MX1: variants seen among roughly 807,000 people sequenced by gnomAD.
The protein encoded by MX1 is interferon-induced GTP-binding protein Mx1.
A neutral mutation model predicts 66.4 loss-of-function variants in MX1; 66 were observed. The ratio of observed to expected loss-of-function variants is 0.99; its 90% CI spans 0.82 to 1.22. MX1 has a LOEUF of 1.22. MX1 is among the 50% of genes most tolerant of loss of function. The probability of loss-of-function intolerance (pLI) is 0.00; values close to 1 mark genes in which losing one functional copy is unlikely to be tolerated. For synonymous variants in MX1, 311 were observed against 318.1 expected, an observed-to-expected ratio of 0.98 and a Z score of 0.24; for missense variants, 787 against 834.3, an observed-to-expected ratio of 0.94 and a Z score of 0.70.
rs1458057452 is a variant in MX1, at chr21:41,441,451, G to A, written c.731-265G>A. The A allele has an allele frequency of 5.6e-6, 3 of 537,176 alleles. No individual in the cohort carries two copies. The highest frequency in any genetic ancestry group is 1.9e-5 in the African/African-American group (1 of 52,762). 33.3% of individuals were successfully genotyped at this position (537,176 alleles called of 1,614,324 possible). A position where few individuals can be genotyped will look rare whatever the true frequency, so the allele number is the denominator to read the frequency against. The stretch of plus-strand genomic sequence containing the variant: ...CCATAACTCAAGGGATAAACAAAAC[G>A]TGGCGTGTTCTACAGTGGACCCGGG... On this transcript the variant is annotated intron_variant, in intron 9 of 16. Transcript: ENST00000398598. This position sits in a 1 kb window ranked among gnomAD's most constrained non-coding sequence, Gnocchi z 4.0.
chr21:41,438,566 G>A (rs8132418), intron 7 of MX1, among the ~76,000 whole-genome samples: 1 of 152,178 alleles, frequency 6.6e-6, no homozygotes, highest in Non-Finnish European at 1.5e-5. Context: ...AACACCTTTC[G>A]GTCTCTCCTG....
chr21:41,437,631 C>A lies in MX1; in HGVS notation c.436+479C>A, dbSNP rs1009899814. On this transcript the variant is annotated intron_variant, in intron 7 of 16. Transcript: ENST00000398598. ...ACTCTAGCCTGACAACAGAGTGAGACCCTGTCTCAAAAACACATGTATTGC... is the reference window on the plus strand; with the variant it reads ...ACTCTAGCCTGACAACAGAGTGAGAACCTGTCTCAAAAACACATGTATTGC... 2.0e-5 allele frequency among the ~76,000 whole-genome samples: 3 copies of A among 152,106 alleles called. 1 individual carries two copies. The highest frequency in any genetic ancestry group is 4.4e-5 in the Non-Finnish European group (3 of 68,014).
intron 3 of MX1, chr21:41,429,923 A>T (rs1601468209): frequency 6.9e-6 from 1 of 145,264 alleles, no homozygotes; most frequent in Non-Finnish European, 1.5e-5. Context: ...AAAAAAAAAG[A>T]AAGAAATACA....
rs1026885045 is a variant in MX1, at chr21:41,439,933, T to A, written c.591+85T>A. 11 of 1,437,950 alleles carry A rather than the reference T, an allele frequency of 7.6e-6. No individual in the cohort carries two copies. In the South Asian group the frequency reaches 1.4e-4, roughly 18 times the overall value. The allele number at this position is 1,437,950 out of a possible 1,614,324, so 89.1% of individuals were successfully genotyped here. A position where few individuals can be genotyped will look rare whatever the true frequency, so the allele number is the denominator to read the frequency against. On this transcript the variant is annotated intron_variant, in intron 8 of 16. Transcript: ENST00000398598. ...TGGGAGGAGAAAGAGGGTACTGTATTAGAGTAACCGTGAGTCCAGAGCTGA... is the reference window on the plus strand; with the variant it reads ...TGGGAGGAGAAAGAGGGTACTGTATAAGAGTAACCGTGAGTCCAGAGCTGA...
intron 13 of MX1, among the ~76,000 whole-genome samples, chr21:41,447,030 G>A (rs1264540402): frequency 6.6e-6 from 1 of 152,228 alleles, no homozygotes; most frequent in Non-Finnish European, 1.5e-5. Flanking sequence ...GCTTGTGTCT[G>A]TGTGTAGCGG....
Position 41,458,970 on chromosome 21 carries a change from C to CG in MX1, c.*215dup, listed in dbSNP as rs201707463. On this transcript the variant is annotated 3_prime_UTR_variant, in exon 17 of 17. Coordinates refer to ENST00000398598, the MANE Select transcript of MX1 (RefSeq NM_002462.5). ...CCACCCTCAGATGCACATGAGCTGG[C>CG]GGGATTGAAGGATGCTGTCTTCGTA... is the stretch of plus-strand genomic sequence containing the variant. 2.4e-6 allele frequency: 2 copies of CG among 838,476 alleles called. No individual in the cohort carries two copies. Among genetic ancestry groups the CG allele is most frequent in the East Asian group, 2.7e-5 (1 of 36,682 alleles). 51.9% of individuals were successfully genotyped at this position (838,476 alleles called of 1,614,324 possible).
Position 41,459,139 on chromosome 21 carries a change from A to T in MX1, c.*381A>T. ...CCCTTCACAAACCCAGTGTTTTAGG[A>T]GCATGAGTGCCGTGTGTGTGCGTCC... On this transcript the variant is annotated 3_prime_UTR_variant, in exon 17 of 17. Transcript: ENST00000398598. The T allele has an allele frequency of 3.7e-6, 1 of 273,082 alleles. No individual in the cohort carries two copies. The highest frequency in any genetic ancestry group is 7.0e-6 in the Non-Finnish European group (1 of 143,306). 16.9% of individuals were successfully genotyped at this position (273,082 alleles called of 1,614,324 possible).
chr21:41,421,149 T>C (rs539373845), intron 1 of MX1, among the ~76,000 whole-genome samples: 2 of 152,338 alleles, frequency 1.3e-5, no homozygotes, highest in East Asian at 1.9e-4. Flanking sequence ...CTTTGCATCA[T>C]AGACAGGGTA....
chr21:41,451,266 TAAAA>T, intron 15 of MX1, 23 bp downstream of exon 15: 1 of 1,168,688 alleles, frequency 8.6e-7, no homozygotes, highest in Non-Finnish European at 1.2e-6. Flanking sequence ...ATGTGTTGTT[TAAAA>T]AAAAAAAAGA....
Position 41,440,889 on chromosome 21 carries a change from C to A in MX1, c.594C>A (p.Ile198=). The change falls in exon 9 of 17, where the codon ATC becomes ATA. Residue 198 remains isoleucine (I), a splice_region_variant and synonymous_variant. Coordinates refer to ENST00000398598, the MANE Select transcript of MX1 (RefSeq NM_002462.5). ...CACCTCCTCTCATTTCCTTACAGAT[C>A]AAGACACTCATCAAGAAGTACATCC... The part of the protein sequence containing the change: ...GNQPADIGYK[I]KTLIKKYIQR... 6.2e-7 allele frequency: 1 copy of A among 1,614,152 alleles called. No individual in the cohort carries two copies. Among genetic ancestry groups the A allele is most frequent in the Non-Finnish European group, 8.5e-7 (1 of 1,180,016 alleles).
intron 4 of MX1, among the ~76,000 whole-genome samples, chr21:41,431,478 T>G (rs1347198960): frequency 1.0e-5 from 1 of 100,398 alleles, no homozygotes; most frequent in Non-Finnish European, 1.8e-5. Context: ...AGAGGCATAT[T>G]CTATTTTTTT....
In MX1 at chr21:41,446,103, A is replaced by G; in HGVS notation, c.1235A>G (p.His412Arg). The change falls in exon 13 of 17, where the codon CAC becomes CGC. Residue 412 changes from histidine (H) to arginine (R), a missense_variant. Coordinates refer to ENST00000398598, the MANE Select transcript of MX1 (RefSeq NM_002462.5). ...TTTACCAGACTCCGACACGAGTTCC[A>G]CAAATGGAGTACAATAATTGAAAAC... Reference protein sequence around the residue: ...RLFTRLRHEFHKWSTIIENNF... With the variant: ...RLFTRLRHEFRKWSTIIENNF... The G allele has an allele frequency of 2.5e-6, 4 of 1,614,222 alleles. No individual in the cohort carries two copies. The highest frequency in any genetic ancestry group is 3.4e-6 in the Non-Finnish European group (4 of 1,180,018).
rs1346777813 is a variant in MX1 at position 41,441,171 on chromosome 21, G to GTGAGAA, written c.730+148_730+149insAGAATG. ...GAATGGGGGAGCCCGCCTGTGCTCGGTGGTCTGCCAGTGGGCAAGCGTCCC... is the reference window on the plus strand; with the variant it reads ...GAATGGGGGAGCCCGCCTGTGCTCGGTGAGAATGGTCTGCCAGTGGGCAAGCGTCCC... On this transcript the variant is annotated intron_variant, in intron 9 of 16. Transcript: ENST00000398598. This position sits in a 1 kb window ranked among gnomAD's most constrained non-coding sequence, Gnocchi z 4.0. 3.2e-5 allele frequency: 39 copies of GTGAGAA among 1,224,580 alleles called. No individual in the cohort carries two copies. The highest frequency in any genetic ancestry group is 2.9e-4 in the Middle Eastern group (1 of 3,498). The allele number at this position is 1,224,580 out of a possible 1,614,324, so 75.9% of individuals were successfully genotyped here. A position where few individuals can be genotyped will look rare whatever the true frequency, so the allele number is the denominator to read the frequency against.
At chr21:41,422,241 T>G (rs2090001248), upstream of MX1, 1 of 152,230 alleles carries the variant, frequency 6.6e-6, no homozygotes, top group Non-Finnish European at 1.5e-5. Context: ...GACCTGTGGT[T>G]GTCCTCATTT....
At chr21:41,452,173 AG>A in intron 15 of MX1, among the ~76,000 whole-genome samples, 1 of 152,248 alleles carries the variant, frequency 6.6e-6, no homozygotes, top group Middle Eastern at 3.4e-3. Flanking sequence ...CCAGGGGTGA[AG>A]TTTCTCCTCC....
At chr21:41,421,069 G>A (rs993552995) in intron 1 of MX1, among the ~76,000 whole-genome samples, 23 of 152,258 alleles carry the variant, frequency 1.5e-4, no homozygotes, top group Admixed American at 7.8e-4. Context: ...GTTTCTCCGA[G>A]AGGGGGATGT....
chr21:41,453,425 T>C (rs141764110), intron 16 of MX1, among the ~76,000 whole-genome samples: 10 of 152,174 alleles, frequency 6.6e-5, no homozygotes, highest in African/African-American at 2.4e-4. Context: ...GCCAGTGACA[T>C]CTGGTTTTGA....
Position 41,441,812 on chromosome 21 carries a change from T to C in MX1, c.827T>C (p.Met276Thr), listed in dbSNP as rs1449613870. ...NLVFHLKKGY[M>T]IVKCRGQQEI... is the part of the protein sequence containing the mutation. Reference sequence around the variant, plus strand: ...GTGTTCCACCTGAAGAAGGGTTACATGATTGTCAAGTGCCGGGGCCAGCAG... The same window carrying C: ...GTGTTCCACCTGAAGAAGGGTTACACGATTGTCAAGTGCCGGGGCCAGCAG... The change falls in exon 10 of 17, where the codon ATG becomes ACG. Residue 276 changes from methionine (M) to threonine (T), a missense_variant. By Grantham distance (81) the Met-to-Thr change is moderately conservative. Coordinates refer to ENST00000398598, the MANE Select transcript of MX1 (RefSeq NM_002462.5). This position sits in a 1 kb window ranked among gnomAD's most constrained non-coding sequence, Gnocchi z 4.0. 2 of 1,614,108 alleles carry C rather than the reference T, an allele frequency of 1.2e-6. No individual in the cohort carries two copies. The highest frequency in any genetic ancestry group is 8.5e-7 in the Non-Finnish European group (1 of 1,180,040).
chr21:41,443,911 A>G, intron 11 of MX1, 45 bp downstream of exon 11: 1 of 1,562,820 alleles, frequency 6.4e-7, no homozygotes, highest in Non-Finnish European at 8.8e-7. Context: ...GAATACTACG[A>G]CCGCAGAGCT....
Sources: allele counts gnomAD v4.1 joint callset (sites outside exome capture counted in the v4.1 genomes callset), GRCh38; gene constraint gnomAD v4.1.1; non-coding constraint Gnocchi (gnomAD v3.1); transcripts MANE v1.5; gene names NCBI Gene and HGNC (gene_info 2026-07-23, HGNC 2026-07-21).